GPX5: variants seen among roughly 807,000 people sequenced by gnomAD.
GPX5 encodes the protein epididymal secretory glutathione peroxidase.
Under a neutral mutation model 23.8 loss-of-function variants are expected in GPX5, and 20 were observed. The observed-to-expected ratio is 0.84, with a 90% CI of 0.59 to 1.22. GPX5 has a LOEUF of 1.22. Ranked by LOEUF, GPX5 falls within the 50% of genes most tolerant of loss-of-function variation. The pLI is 0.00. For synonymous variants in GPX5, 92 were observed against 99.5 expected (o/e 0.92, Z 0.45); for missense variants, 230 against 266.6 (o/e 0.86, Z 0.96).
At chr6:28,531,997 T>C in intron 3 of GPX5, 102 bp downstream of exon 3, 1 of 834,734 alleles carries the variant, frequency 1.2e-6, no homozygotes, top group African/African-American at 1.7e-5. Flanking sequence ...TATGGATTAA[T>C]AGGCTCAGGG....
intron 1 of GPX5, among the ~76,000 whole-genome samples, chr6:28,528,821 A>ATG (rs1763256747): frequency 0.011 from 1 of 88 alleles, no homozygotes; most frequent in African/African-American, 0.083. Context: ...GTGTATATAT[A>ATG]TATATATATA....
Position 28,533,944 on chromosome 6 carries a change from C to G in GPX5, c.460-17C>G. 6.9e-7 allele frequency: 1 copy of G among 1,458,094 alleles called. No individual in the cohort carries two copies. 90.3% of individuals were successfully genotyped at this position (1,458,094 alleles called of 1,614,324 possible). A position where few individuals can be genotyped will look rare whatever the true frequency, so the allele number is the denominator to read the frequency against. On this transcript the variant is annotated splice_polypyrimidine_tract_variant and intron_variant, in intron 4 of 4. Transcript: ENST00000412168. The stretch of plus-strand genomic sequence containing the variant: ...GCAGAAATAACATTGTTTCTCTTTT[C>G]CATCTCTCTGGTTTAGCACTCCTGT...
intron 3 of GPX5, 65 bp downstream of exon 3, chr6:28,531,960 T>C (rs960633483): frequency 4.4e-6 from 5 of 1,140,036 alleles, no homozygotes; most frequent in East Asian, 2.3e-5. Context: ...CCAGAGGCCC[T>C]TCCAGCTCAG....
At position 28,526,194 on chromosome 6, in the gene GPX5, T is replaced by G. The variant is rs575311078; in HGVS notation, c.87+94T>G. The G allele has an allele frequency of 2.1e-5, 19 of 926,218 alleles. No homozygotes were observed. In the East Asian group the frequency reaches 4.6e-4, roughly 22 times the overall value. 57.4% of individuals were successfully genotyped at this position (926,218 alleles called of 1,614,324 possible). On this transcript the variant is annotated intron_variant, in intron 1 of 4. Transcript: ENST00000412168. ...CTTCTTGTAAGACTCCAACTCCTGCTTTCTTCTTCTTTGCCAGTTCCCCTA... is the reference window on the plus strand; with the variant it reads ...CTTCTTGTAAGACTCCAACTCCTGCGTTCTTCTTCTTTGCCAGTTCCCCTA...
In GPX5 at chr6:28,534,011, C is replaced by G. The variant is rs889389755; in HGVS notation, c.510C>G (p.Ser170=). ...TTTTGGGCACATTCAAATCTATATC[C>G]TGGGACCCTGTAAAGGTCCATGACA... is the stretch of plus-strand genomic sequence containing the variant. ...SEILGTFKSI[S]WDPVKVHDIR... The change falls in exon 5 of 5, where the codon TCC becomes TCG. Residue 170 remains serine (S), a synonymous_variant. Coordinates refer to ENST00000412168, the MANE Select transcript of GPX5 (RefSeq NM_001509.3). The G allele has an allele frequency of 1.2e-6, 2 of 1,609,148 alleles. No homozygotes were observed. Among genetic ancestry groups the G allele is most frequent in the Non-Finnish European group, 1.7e-6 (2 of 1,177,844 alleles).
rs28382606 is a variant in GPX5 at position 28,531,573 on chromosome 6, T to C, written c.242-205T>C. Among the ~76,000 whole-genome samples the C allele has an allele frequency of 8.6e-3, 1,315 of 152,156 alleles. 12 individuals are homozygous for C. Among genetic ancestry groups the C allele is most frequent in the East Asian group, 0.066 (340 of 5,148 alleles). The stretch of plus-strand genomic sequence containing the variant: ...GATGTGCTGCAGGTATGGAAAACAC[T>C]GCACCATGACAAAGGGCTTTTGAGC... On this transcript the variant is annotated intron_variant, in intron 2 of 4. Coordinates refer to ENST00000412168, the MANE Select transcript of GPX5 (RefSeq NM_001509.3).
rs372426231 is a variant in GPX5, at chr6:28,534,106, C to G, written c.605C>G (p.Ala202Gly). Reference protein sequence around the residue: ...GIPVMRWSHRATVSSVKTDIL... With the variant: ...GIPVMRWSHRGTVSSVKTDIL... The stretch of plus-strand genomic sequence containing the variant: ...CCTGTCATGCGCTGGTCCCACCGGG[C>G]TACGGTCAGCTCAGTCAAGACAGAC... The change falls in exon 5 of 5, where the codon GCT becomes GGT. Residue 202 changes from alanine to glycine, a missense_variant. Ala to Gly is a moderately conservative substitution (Grantham distance 60, BLOSUM62 0). Transcript: ENST00000412168. 100 of 1,610,932 alleles carry G rather than the reference C, an allele frequency of 6.2e-5. No homozygotes were observed. Among genetic ancestry groups the G allele is most frequent in the African/African-American group, 1.1e-4 (8 of 74,724 alleles).
At chr6:28,526,606 CA>C (rs1206863284) in intron 1 of GPX5, among the ~76,000 whole-genome samples, 1 of 152,008 alleles carries the variant, frequency 6.6e-6, no homozygotes. Context: ...AGCCCTAAAA[CA>C]ACTGGATTTG....
chr6:28,526,188 T>A, intron 1 of GPX5, 88 bp downstream of exon 1: 1 of 972,586 alleles, frequency 1.0e-6, no homozygotes, highest in Admixed American at 1.9e-5. Context: ...AGACTCCAAC[T>A]CCTGCTTTCT....
intron 1 of GPX5, chr6:28,528,136 G>C (rs775252055): frequency 6.6e-6 from 1 of 152,212 alleles, no homozygotes; most frequent in Non-Finnish European, 1.5e-5. Context: ...ACTTGCAGAT[G>C]GACTTTAGGG....
At chr6:28,533,904 C>G in intron 4 of GPX5, 57 bp from the exon 5 acceptor site, 3 of 1,211,852 alleles carry the variant, frequency 2.5e-6, no homozygotes, top group Non-Finnish European at 3.4e-6. Context: ...TAAAAATAGC[C>G]TGGATCATCC....
chr6:28,531,936 C>A (rs994023933), intron 3 of GPX5, 41 bp downstream of exon 3: 5 of 1,396,572 alleles, frequency 3.6e-6, no homozygotes, highest in Non-Finnish European at 3.0e-6. Flanking sequence ...CGCCTGTGTA[C>A]CTTTCCTCAG....
At chr6:28,528,813 GTATATA>G (rs70983945) in intron 1 of GPX5, among the ~76,000 whole-genome samples, 2 of 95,710 alleles carry the variant, frequency 2.1e-5, no homozygotes, top group Non-Finnish European at 4.4e-5. Flanking sequence ...ATATATGTGT[GTATATA>G]TATATATATA....
chr6:28,529,091 A>G (rs907762808), intron 1 of GPX5, among the ~76,000 whole-genome samples: 1 of 146,898 alleles, frequency 6.8e-6, no homozygotes, highest in Non-Finnish European at 1.5e-5. Context: ...CTTTCTAACT[A>G]TCTTTTTTTT....
At position 28,529,462 on chromosome 6, in the gene GPX5, C is replaced by G. The variant is rs1249507299; in HGVS notation, c.99C>G (p.His33Gln). The G allele has an allele frequency of 6.2e-7, 1 of 1,606,938 alleles. No homozygotes were observed. Among genetic ancestry groups the G allele is most frequent in the Admixed American group, 1.7e-5 (1 of 58,968 alleles). Residue 33 changes from histidine (H) to glutamine (Q), a missense_variant, in exon 2 of 5, where the codon CAC (histidine) becomes CAG (glutamine). By Grantham distance (24) the His-to-Gln change is conservative (BLOSUM62 0). Transcript: ENST00000412168. ...PKQEKMKMDCHKDEKGTIYDY... is the reference protein window; with the variant it reads ...PKQEKMKMDCQKDEKGTIYDY... ...AAAAAATCTTCCAGATGGATTGCCA[C>G]AAAGACGAGAAAGGCACCATCTATG...
intron 1 of GPX5, among the ~76,000 whole-genome samples, chr6:28,529,225 G>A (rs1268847956): frequency 2.0e-5 from 3 of 151,764 alleles, no homozygotes; most frequent in Admixed American, 6.6e-5. Flanking sequence ...CCACAAATAA[G>A]TGAGAACATG....
In GPX5 at chr6:28,534,819, A is replaced by G. The variant is rs996089947; in HGVS notation, c.*652A>G. ...TTCCTAATTGTCTGATCTTTAGTGC[A>G]TTCAGGTTATGGCACCTGGAGAGGA... On this transcript the variant is annotated 3_prime_UTR_variant, in exon 5 of 5. Transcript: ENST00000412168. 6.6e-6 allele frequency: 1 copy of G among 152,314 alleles called. No homozygotes were observed. The highest frequency in any genetic ancestry group is 2.4e-5 in the African/African-American group (1 of 41,566). The allele number at this position is 152,314 out of a possible 1,614,324, so 9.4% of individuals were successfully genotyped here.
At position 28,534,109 on chromosome 6, in the gene GPX5, C is replaced by T. The variant is rs371361550; in HGVS notation, c.608C>T (p.Thr203Met). Residue 203 changes from threonine to methionine, a missense_variant, in exon 5 of 5, where the codon ACG (threonine) becomes ATG (methionine). Physicochemically the swap from Thr to Met is moderately conservative, Grantham distance 81 (BLOSUM62 -1). Transcript: ENST00000412168. ...IPVMRWSHRA[T>M]VSSVKTDILA... Reference sequence around the variant, plus strand: ...GTCATGCGCTGGTCCCACCGGGCTACGGTCAGCTCAGTCAAGACAGACATC... The same window carrying T: ...GTCATGCGCTGGTCCCACCGGGCTATGGTCAGCTCAGTCAAGACAGACATC... 28 of 1,610,068 alleles carry T rather than the reference C, an allele frequency of 1.7e-5. No homozygotes were observed. Among genetic ancestry groups the T allele is most frequent in the African/African-American group, 4.0e-5 (3 of 74,650 alleles).
intron 4 of GPX5, among the ~76,000 whole-genome samples, chr6:28,533,350 C>T (rs947826729): frequency 2.0e-5 from 3 of 152,116 alleles, no homozygotes; most frequent in South Asian, 2.1e-4. Flanking sequence ...TATCATGCCT[C>T]TGCACCCCAG....
Sources: gnomAD v4.1 joint callset for allele counts (sites outside exome capture counted in the v4.1 genomes callset) on GRCh38, gnomAD v4.1.1 for gene constraint, MANE v1.5 for transcripts, NCBI Gene and HGNC (gene_info 2026-07-23, HGNC 2026-07-21) for gene names.